GZMB: variants seen among roughly 807,000 people sequenced by gnomAD.
GZMB encodes the protein T-cell serine protease 1-3E.
A neutral mutation model predicts 24.2 loss-of-function variants in GZMB; 27 were observed. The observed-to-expected ratio is 1.12, with a 90% CI of 0.82 to 1.54. The LOEUF is 1.54. GZMB is among the 40% of genes most tolerant of loss of function. The pLI is 0.00. For synonymous variants in GZMB, 121 were observed against 115.1 expected, an observed-to-expected ratio of 1.05 and a Z score of -0.33; for missense variants, 336 against 310.1, an observed-to-expected ratio of 1.08 and a Z score of -0.63.
At position 24,631,940 on chromosome 14, in the gene GZMB, C is replaced by T; in HGVS notation, c.518G>A (p.Cys173Tyr). The T allele has an allele frequency of 1.9e-6, 3 of 1,614,184 alleles. No individual in the cohort carries two copies. Among genetic ancestry groups the T allele is most frequent in the South Asian group, 2.2e-5 (2 of 91,078 alleles). The change falls in exon 4 of 5, where the codon TGC (cysteine) becomes TAC (tyrosine). Residue 173 changes from cysteine to tyrosine, a missense_variant. By Grantham distance (194) the Cys-to-Tyr change is radical. Transcript: ENST00000216341. ...GTAATAATGGCGTAAGTCAGATTCG[C>T]ACTTTCGATCTTCCTGCACTGTCAT... ...VKMTVQEDRK[C>Y]ESDLRHYYDS...
Position 24,632,967 on chromosome 14 carries a change from C to G in GZMB, c.151G>C (p.Gly51Arg), listed in dbSNP as rs767677921. Reference protein sequence around the residue: ...WDQKSLKRCGGFLIRDDFVLT... With the variant: ...WDQKSLKRCGRFLIRDDFVLT... ...ACGAAGTCGTCTCGTATCAGGAAGC[C>G]ACCGCACCTCTTCAGAGACTTCTGA... The change falls in exon 2 of 5, where the codon GGC (glycine) becomes CGC (arginine). Residue 51 changes from glycine (G) to arginine (R), a missense_variant. Transcript: ENST00000216341. 1 of 1,613,970 alleles carries G rather than the reference C, an allele frequency of 6.2e-7. No homozygotes were observed.
intron 1 of GZMB, chr14:24,633,860 C>A (rs749349030): frequency 6.9e-6 from 4 of 580,498 alleles, no homozygotes; most frequent in Non-Finnish European, 1.2e-5. Flanking sequence ...CTAGGAAAGT[C>A]CTACTCTCCA....
At chr14:24,633,178 G>A in intron 1 of GZMB, 116 bp from the exon 2 acceptor site, 1 of 1,472,582 alleles carries the variant, frequency 6.8e-7, no homozygotes, top group Middle Eastern at 1.8e-4. Context: ...GGAGTTGGGA[G>A]TGGCCTGGAG....
intron 2 of GZMB, 157 bp downstream of exon 2, chr14:24,632,758 C>T (rs912258455): frequency 1.7e-5 from 15 of 862,586 alleles, no homozygotes; most frequent in Non-Finnish European, 2.9e-5. Context: ...TGGAACCAAC[C>T]TTCCCCTCTC....
At position 24,631,857 on chromosome 14, in the gene GZMB, C is replaced by G. The variant is rs780749959; in HGVS notation, c.600+1G>C. 14 of 1,613,518 alleles carry G rather than the reference C, an allele frequency of 8.7e-6. No individual in the cohort carries two copies. Among genetic ancestry groups the G allele is most frequent in the Non-Finnish European group, 1.2e-5 (14 of 1,179,528 alleles). Reference sequence around the variant, plus strand: ...CAATCCAGGCAGGTGCATAGTCTTACCTTAAAGGAAGTCTTTTTAATCTCT... The same window carrying G: ...CAATCCAGGCAGGTGCATAGTCTTAGCTTAAAGGAAGTCTTTTTAATCTCT... On this transcript the variant is annotated splice_donor_variant, in intron 4 of 4. Transcript: ENST00000216341. LOFTEE classifies it high-confidence loss of function.
At chr14:24,631,732 C>T in intron 4 of GZMB, 126 bp downstream of exon 4, 1 of 840,072 alleles carries the variant, frequency 1.2e-6, no homozygotes, top group South Asian at 1.6e-5. Flanking sequence ...CCCCTCTTCT[C>T]TTTCCAGAGA....
At chr14:24,632,139 A>C in intron 3 of GZMB, 21 bp from the exon 4 acceptor site, 1 of 1,611,646 alleles carries the variant, frequency 6.2e-7, no homozygotes, top group South Asian at 1.1e-5. Flanking sequence ...AGAGGCAAGA[A>C]AGTCCAGGTC....
Position 24,632,067 on chromosome 14 carries a change from T to A in GZMB, c.391A>T (p.Ser131Cys), listed in dbSNP as rs1239147683. The A allele has an allele frequency of 1.2e-6, 2 of 1,614,178 alleles. No homozygotes were observed. The highest frequency in any genetic ancestry group is 1.7e-6 in the Non-Finnish European group (2 of 1,180,000). Residue 131 changes from serine to cysteine, a missense_variant, in exon 4 of 5, where the codon AGC becomes TGC. Transcript: ENST00000216341. Reference protein sequence around the residue: ...TRAVQPLRLPSNKAQVKPGQT... With the variant: ...TRAVQPLRLPCNKAQVKPGQT... ...CCTGGCTTCACCTGGGCCTTGTTGC[T>A]AGGTAGCCTGAGGGGCTGCACAGCT...
At position 24,633,009 on chromosome 14, in the gene GZMB, A is replaced by T. The variant is rs2067012089; in HGVS notation, c.109T>A (p.Tyr37Asn). 1.9e-6 allele frequency: 3 copies of T among 1,613,880 alleles called. No homozygotes were observed. The East Asian group carries it at 6.7e-5, about 36-fold the overall frequency. ...GACTTCTGATCCCAGATCATAAGAT[A>T]AGCCATGTAGGGGCGGGAGTGGGGC... ...AKPHSRPYMA[Y>N]LMIWDQKSLK... Residue 37 changes from tyrosine to asparagine, a missense_variant, in exon 2 of 5, where the codon TAT becomes AAT. Tyr to Asn is a moderately radical substitution (Grantham distance 143, BLOSUM62 -2). Transcript: ENST00000216341.
intron 4 of GZMB, 44 bp from the exon 5 acceptor site, chr14:24,631,258 T>C (rs2066992216): frequency 1.9e-6 from 3 of 1,569,278 alleles, no homozygotes; most frequent in Non-Finnish European, 2.6e-6. Context: ...CTCCTCCGGG[T>C]CCTGCCCTCT....
intron 3 of GZMB, 43 bp from the exon 4 acceptor site, chr14:24,632,161 T>A: frequency 3.1e-6 from 5 of 1,605,778 alleles, no homozygotes; most frequent in Non-Finnish European, 4.3e-6. Flanking sequence ...GCCAACGAAC[T>A]TCTGGGCCCC....
intron 4 of GZMB, 109 bp from the exon 5 acceptor site, chr14:24,631,323 G>C (rs1282163651): frequency 3.3e-6 from 3 of 912,784 alleles, no homozygotes; most frequent in Non-Finnish European, 5.0e-6. Context: ...CTACATGTGG[G>C]AGACCAGAGG....
In GZMB at chr14:24,632,107, C is replaced by G. The variant is rs1442633367; in HGVS notation, c.351G>C (p.Lys117Asn). The change falls in exon 4 of 5, where the codon AAG becomes AAC. Residue 117 changes from lysine (K) to asparagine (N), a missense_variant. Physicochemically the swap from Lys to Asn is moderately conservative, Grantham distance 94. Coordinates refer to ENST00000216341, the MANE Select transcript of GZMB (RefSeq NM_004131.6). ...NDIMLLQLER[K>N]AKRTRAVQPL... ...GCTGCACAGCTCTGGTCCGCTTGGC[C>G]TTTCTCTCCAGCTGGTGGGGAAGAG... 1 of 1,613,618 alleles carries G rather than the reference C, an allele frequency of 6.2e-7. No homozygotes were observed. Among genetic ancestry groups the G allele is most frequent in the Non-Finnish European group, 8.5e-7 (1 of 1,179,652 alleles).
chr14:24,633,085 TGTGGGCACCCATGGAATCTGCTGG>T, intron 1 of GZMB, 23 bp from the exon 2 acceptor site: 1 of 1,580,096 alleles, frequency 6.3e-7, no homozygotes, highest in African/African-American at 1.3e-5. Context: ...TCTGTCTGCT[TGTGGGCACCCATGGAATCTGCTGG>T]GTGGGCACCT....
At chr14:24,632,156 C>T (rs774562605) in intron 3 of GZMB, 38 bp from the exon 4 acceptor site, 28 of 1,606,746 alleles carry the variant, frequency 1.7e-5, no homozygotes, top group African/African-American at 2.7e-5. Flanking sequence ...GGTCAGCCAA[C>T]GAACTTCTGG....
rs201406143 is a variant in GZMB at position 24,632,298 on chromosome 14, G to A, written c.339+26C>T. The A allele has an allele frequency of 6.9e-6, 11 of 1,595,558 alleles. 1 individual carries two copies. The highest frequency in any genetic ancestry group is 2.2e-5 in the East Asian group (1 of 44,730). ...AGTGGAACCAACTGGACCAAGAAGA[G>A]CAAGAGTGGCAGGAGTGTGCCTCAC... On this transcript the variant is annotated intron_variant, in intron 3 of 4. Transcript: ENST00000216341.
In GZMB at chr14:24,631,904, A is replaced by G; in HGVS notation, c.554T>C (p.Ile185Thr). The change falls in exon 4 of 5, where the codon ATT (isoleucine) becomes ACT (threonine). Residue 185 changes from isoleucine to threonine, a missense_variant. By Grantham distance (89) the Ile-to-Thr change is moderately conservative. Transcript: ENST00000216341. ...CTCTGGGTCCCCCACGCACAACTCA[A>G]TGGTACTGTCGTAATAATGGCGTAA... ...SDLRHYYDSTIELCVGDPEIK... is the reference protein window; with the variant it reads ...SDLRHYYDSTTELCVGDPEIK... 2.5e-6 allele frequency: 4 copies of G among 1,613,826 alleles called. No homozygotes were observed. The highest frequency in any genetic ancestry group is 1.6e-4 in the Middle Eastern group (1 of 6,062).
Position 24,631,990 on chromosome 14 carries a change from G to A in GZMB, c.468C>T (p.His156=), listed in dbSNP as rs766871985. The A allele has an allele frequency of 1.3e-5, 21 of 1,614,114 alleles. No homozygotes were observed. Among genetic ancestry groups the A allele is most frequent in the South Asian group, 2.2e-5 (2 of 91,092 alleles). ...GWGQTAPLGK[H]SHTLQEVKMT... ...TCTTCACCTCTTGTAGTGTGTGTGA[G>A]TGTTTTCCCAGGGGGGCCGTCTGCC... Residue 156 remains histidine (H), a synonymous_variant, in exon 4 of 5, where the codon CAC becomes CAT. Coordinates refer to ENST00000216341, the MANE Select transcript of GZMB (RefSeq NM_004131.6).
Position 24,631,060 on chromosome 14 carries a change from G to T in GZMB, c.*11C>A. ...TTTCATTACAGCGGGGGCTTAGTTTGCTTCCTGTAGTTAGTAGCGTTTCAT... is the reference window on the plus strand; with the variant it reads ...TTTCATTACAGCGGGGGCTTAGTTTTCTTCCTGTAGTTAGTAGCGTTTCAT... On this transcript the variant is annotated 3_prime_UTR_variant, in exon 5 of 5. Coordinates refer to ENST00000216341, the MANE Select transcript of GZMB (RefSeq NM_004131.6). The T allele has an allele frequency of 6.2e-7, 1 of 1,608,526 alleles. No individual in the cohort carries two copies. The highest frequency in any genetic ancestry group is 1.3e-5 in the African/African-American group (1 of 74,864).
Sources: gnomAD v4.1 joint callset for allele counts on GRCh38, gnomAD v4.1.1 for gene constraint, MANE v1.5 for transcripts, NCBI Gene and HGNC (gene_info 2026-07-23, HGNC 2026-07-21) for gene names.